Variants in PLCE1 observed in about 807,000 individuals in gnomAD.
PLCE1 encodes the protein 1-phosphatidylinositol 4,5-bisphosphate phosphodiesterase epsilon-1.
In PLCE1, 119 loss-of-function variants were observed where a neutral mutation model predicts 242.8. That is an observed-to-expected ratio of 0.49 (90% confidence interval 0.42 to 0.57). The LOEUF (loss-of-function observed/expected upper bound fraction) is 0.57, where lower values mean the gene tolerates loss of function less well. Ranked by LOEUF, PLCE1 falls within the 20% of genes least tolerant of loss-of-function variation. PLCE1 has a pLI of 0.00. For missense variants in PLCE1, 2,441 were observed against 2,788.8 expected (o/e 0.88, Z 2.81); for synonymous variants, 945 against 1,017.4 (o/e 0.93, Z 1.35).
At chr10:94,161,866 G>A (rs1253285453) in intron 3 of PLCE1, among the ~76,000 whole-genome samples, 2 of 152,220 alleles carry the variant, frequency 1.3e-5, no homozygotes, top group Admixed American at 6.5e-5. Context: ...TTAGCATGAA[G>A]GGCTGTTGAA....
In PLCE1 at chr10:94,322,131, G is replaced by C. The variant is rs1554917876; in HGVS notation, c.6501+72G>C. ...TTATTGGAACAAATGTCTGTGCACT[G>C]ATGGCTCATTTTATGAGTGAAGTTC... is the stretch of plus-strand genomic sequence containing the variant. On this transcript the variant is annotated intron_variant, in intron 30 of 32. Transcript: ENST00000371380. 5.0e-6 allele frequency: 7 copies of C among 1,390,816 alleles called. No homozygotes were observed. In the South Asian group the frequency reaches 5.8e-5, roughly 12 times the overall value. 86.2% of individuals were successfully genotyped at this position (1,390,816 alleles called of 1,614,324 possible).
At chr10:94,215,419 G>A (rs1444370281) in intron 4 of PLCE1, among the ~76,000 whole-genome samples, 2 of 152,240 alleles carry the variant, frequency 1.3e-5, no homozygotes, top group African/African-American at 4.8e-5. Flanking sequence ...CAGTGGCAAA[G>A]TCCAGGGGGA....
intron 1 of PLCE1, among the ~76,000 whole-genome samples, chr10:94,002,176 T>C: frequency 6.6e-6 from 1 of 152,048 alleles, no homozygotes; most frequent in East Asian, 1.9e-4. Context: ...GAGCTATGCA[T>C]AGAAGCTATA....
intron 3 of PLCE1, among the ~76,000 whole-genome samples, chr10:94,156,222 G>A (rs1023902002): frequency 6.6e-6 from 1 of 152,132 alleles, no homozygotes; most frequent in African/African-American, 2.4e-5. Context: ...CACCAACTGG[G>A]CGTCTTATAA....
chr10:94,228,619 C>A (rs987403336), intron 5 of PLCE1, among the ~76,000 whole-genome samples: 5 of 152,134 alleles, frequency 3.3e-5, no homozygotes, highest in African/African-American at 1.2e-4. Flanking sequence ...TGAGATTTTT[C>A]TTTGATTCTC....
At chr10:94,223,819 T>A (rs1053199168) in intron 4 of PLCE1, among the ~76,000 whole-genome samples, 2 of 152,176 alleles carry the variant, frequency 1.3e-5, no homozygotes, top group African/African-American at 4.8e-5. Context: ...TAAACCATAG[T>A]ACTTTATATT....
chr10:94,109,377 A>C (rs1195597221), intron 2 of PLCE1, among the ~76,000 whole-genome samples: 3 of 152,210 alleles, frequency 2.0e-5, no homozygotes, highest in Non-Finnish European at 4.4e-5. Context: ...GATAAAAAGA[A>C]AATGTGACCC....
At chr10:94,047,695 T>G (rs1291828911) in intron 2 of PLCE1, among the ~76,000 whole-genome samples, 1 of 152,168 alleles carries the variant, frequency 6.6e-6, no homozygotes, top group Non-Finnish European at 1.5e-5. Context: ...TTTTCAGTAG[T>G]GAAATAAGCA....
intron 2 of PLCE1, among the ~76,000 whole-genome samples, chr10:94,068,288 C>T (rs1462334634): frequency 6.6e-6 from 1 of 152,200 alleles, no homozygotes; most frequent in Non-Finnish European, 1.5e-5. Flanking sequence ...TTCGTGCTCC[C>T]ATCATACTCC....
rs374974959 is a variant in PLCE1, at chr10:94,264,585, G to A, written c.4054-1062G>A. Among the ~76,000 whole-genome samples the A allele has an allele frequency of 2.1e-3, 292 of 142,016 alleles. 2 individuals are homozygous for A. Among genetic ancestry groups the A allele is most frequent in the African/African-American group, 6.9e-3 (263 of 37,956 alleles). The allele number at this position is 142,016 out of a possible 152,430, so 93.2% of individuals were successfully genotyped here. A position where few individuals can be genotyped will look rare whatever the true frequency, so the allele number is the denominator to read the frequency against. On this transcript the variant is annotated intron_variant, in intron 14 of 32. Transcript: ENST00000371380. ...CACCCAGGCTGGAGGGCAGTGGCGC[G>A]ATCTTTGTTCACTGCAACCTCCGCC...
At position 94,293,932 on chromosome 10, in the gene PLCE1, C is replaced by T. The variant is rs12220091; in HGVS notation, c.5167+293C>T. Among the ~76,000 whole-genome samples, 12,162 of 152,020 alleles carry T rather than the reference C, an allele frequency of 0.08. 574 individuals are homozygous for T. Among genetic ancestry groups the T allele is most frequent in the East Asian group, 0.19 (970 of 5,158 alleles). ...GACCAGTCTGGCTAACATGATGAAA[C>T]GCCATCTCTATTAAAAATACAAAAA... On this transcript the variant is annotated intron_variant, in intron 23 of 32. Transcript: ENST00000371380.
intron 2 of PLCE1, among the ~76,000 whole-genome samples, chr10:94,093,474 TTCA>T (rs1001794363): frequency 6.6e-6 from 1 of 152,172 alleles, no homozygotes; most frequent in African/African-American, 2.4e-5. Context: ...CAAGAAAGTA[TTCA>T]TCATACAATG....
intron 4 of PLCE1, among the ~76,000 whole-genome samples, chr10:94,205,769 C>T (rs1237014148): frequency 6.6e-6 from 1 of 152,224 alleles, no homozygotes; most frequent in Non-Finnish European, 1.5e-5. Context: ...AGGCAGGCTG[C>T]CAAAAACCAC....
chr10:94,173,154 A>G (rs1269872446), intron 4 of PLCE1, among the ~76,000 whole-genome samples: 1 of 152,180 alleles, frequency 6.6e-6, no homozygotes, highest in Non-Finnish European at 1.5e-5. Flanking sequence ...AGATTACACA[A>G]GTGGTAGGTG....
At chr10:94,065,576 G>T (rs1232986870) in intron 2 of PLCE1, among the ~76,000 whole-genome samples, 2 of 152,078 alleles carry the variant, frequency 1.3e-5, no homozygotes, top group African/African-American at 2.4e-5. Flanking sequence ...CATCATATTT[G>T]CCTACCCCCA....
chr10:94,188,753 G>A (rs1297465854), intron 4 of PLCE1, among the ~76,000 whole-genome samples: 1 of 152,092 alleles, frequency 6.6e-6, no homozygotes, highest in African/African-American at 2.4e-5. Flanking sequence ...CTACAGGCAT[G>A]TGCCACCACT....
At chr10:94,277,391 G>A (rs2051997224) in intron 19 of PLCE1, among the ~76,000 whole-genome samples, 2 of 152,022 alleles carry the variant, frequency 1.3e-5, no homozygotes, top group Admixed American at 1.3e-4. Flanking sequence ...TTTTATTCAG[G>A]GGCTGAGGTC....
rs184099986 is a variant in PLCE1 at position 94,090,535 on chromosome 10, A to G, written c.1207-41639A>G. On this transcript the variant is annotated intron_variant, in intron 2 of 32. Coordinates refer to ENST00000371380, the MANE Select transcript of PLCE1 (RefSeq NM_016341.4). ...GGGCATTTGGCATCTCTCCTTCCTT[A>G]TGGAAGGTGCGGGGTGTCTTGGTAG... Among the ~76,000 whole-genome samples the G allele has an allele frequency of 2.6e-4, 39 of 152,194 alleles. No individual in the cohort carries two copies. In the East Asian group the frequency reaches 6.8e-3, roughly 26 times the overall value.
chr10:94,255,080 C>A, intron 11 of PLCE1, 31 bp downstream of exon 11: 1 of 1,609,146 alleles, frequency 6.2e-7, no homozygotes, highest in South Asian at 1.1e-5. Context: ...AACAGAAGGA[C>A]CCTTCACATT....
Sources: allele counts gnomAD v4.1 joint callset (sites outside exome capture counted in the v4.1 genomes callset), GRCh38; gene constraint gnomAD v4.1.1; transcripts MANE v1.5; gene names NCBI Gene and HGNC (gene_info 2026-07-23, HGNC 2026-07-21).